Variants in CTSS observed in about 807,000 individuals in gnomAD.
The protein encoded by CTSS is cathepsin S.
A neutral mutation model predicts 39.9 loss-of-function variants in CTSS; 15 were observed. The ratio of observed to expected loss-of-function variants is 0.38; its 90% confidence interval spans 0.25 to 0.58. The LOEUF is 0.58. Ranked by LOEUF, CTSS falls within the 20% of genes least tolerant of loss-of-function variation. CTSS has a pLI of 0.70. For missense variants in CTSS, 250 were observed against 398.2 expected (o/e 0.63, Z 3.17); for synonymous variants, 126 against 138.2 (o/e 0.91, Z 0.62).
chr1:150,741,865 ACT>A (rs1312694288), intron 7 of CTSS, among the ~76,000 whole-genome samples: 3 of 141,276 alleles, frequency 2.1e-5, no homozygotes, highest in Non-Finnish European at 4.7e-5. Flanking sequence ...ACAGAGCGAG[ACT>A]CTGTCTCAAA....
chr1:150,750,089 A>G lies in CTSS; in HGVS notation c.710T>C (p.Val237Ala). The change falls in exon 6 of 8, where the codon GTC becomes GCC. Residue 237 changes from valine (V) to alanine (A), a missense_variant. Coordinates refer to ENST00000368985, the MANE Select transcript of CTSS (RefSeq NM_004079.5). ...YTELPYGRED[V>A]LKEAVANKGP... is the part of the protein sequence containing the mutation. ...TTTATTGGCCACAGCTTCTTTCAGG[A>G]CATCTTCTCTGCCATAAGGAAGTTC... is the stretch of plus-strand genomic sequence containing the variant. 1 of 1,614,060 alleles carries G rather than the reference A, an allele frequency of 6.2e-7. No individual in the cohort carries two copies.
rs142274254 is a variant in CTSS at position 150,739,537 on chromosome 1, T to G, written c.897-6392A>C. On this transcript the variant is annotated intron_variant, in intron 7 of 7. Coordinates refer to ENST00000368985, the MANE Select transcript of CTSS (RefSeq NM_004079.5). ...ACCAGCCTGGGCAACAAGCTAAAAA[T>G]ACAGAAATTACCCGTGCCTGGTGGC... Among the ~76,000 whole-genome samples, 901 of 152,082 alleles carry G rather than the reference T, an allele frequency of 5.9e-3. 7 individuals are homozygous for G. The highest frequency in any genetic ancestry group is 0.01 in the Middle Eastern group (3 of 294).
intron 2 of CTSS, among the ~76,000 whole-genome samples, chr1:150,761,935 C>T (rs1336993860): frequency 6.6e-6 from 1 of 152,114 alleles, no homozygotes; most frequent in Non-Finnish European, 1.5e-5. Context: ...TCCTCAAATT[C>T]ATGCGGAACT....
In CTSS at chr1:150,750,069, T is replaced by G. The variant is rs772782542; in HGVS notation, c.730A>C (p.Asn244His). The change falls in exon 6 of 8, where the codon AAT becomes CAT. Residue 244 changes from asparagine to histidine, a missense_variant. By Grantham distance (68) the Asn-to-His change is moderately conservative. Coordinates refer to ENST00000368985, the MANE Select transcript of CTSS (RefSeq NM_004079.5). Reference protein sequence around the residue: ...REDVLKEAVANKGPVSVGVDA... With the variant: ...REDVLKEAVAHKGPVSVGVDA... ...ACACCAACAGACACTGGGCCTTTATTGGCCACAGCTTCTTTCAGGACATCT... is the reference window on the plus strand; with the variant it reads ...ACACCAACAGACACTGGGCCTTTATGGGCCACAGCTTCTTTCAGGACATCT... The G allele has an allele frequency of 1.1e-5, 18 of 1,614,108 alleles. No homozygotes were observed. Among genetic ancestry groups the G allele is most frequent in the Non-Finnish European group, 1.4e-5 (17 of 1,179,952 alleles).
In CTSS at chr1:150,749,988, GTTTAT is replaced by G. The variant is rs747488266; in HGVS notation, c.793+13_793+17del. On this transcript the variant is annotated intron_variant, in intron 6 of 7. Coordinates refer to ENST00000368985, the MANE Select transcript of CTSS (RefSeq NM_004079.5). ...TTTCTTTCTTTAAATTCTAATTATT[GTTTAT>G]TTTATTTTTTACCACTTCTGTAGAG... 2 of 1,574,962 alleles carry G rather than the reference GTTTAT, an allele frequency of 1.3e-6. No homozygotes were observed. Among genetic ancestry groups the G allele is most frequent in the Non-Finnish European group, 1.7e-6 (2 of 1,155,470 alleles).
chr1:150,743,610 T>TA (rs1198341444), intron 7 of CTSS, among the ~76,000 whole-genome samples: 70 of 97,428 alleles, frequency 7.2e-4, no homozygotes, highest in Middle Eastern at 5.0e-3. Context: ...ACATAATATA[T>TA]TATATATGTA....
At position 150,731,628 on chromosome 1, in the gene CTSS, A is replaced by AT. The variant is rs1652523933; in HGVS notation, c.*1417_*1418insA. On this transcript the variant is annotated 3_prime_UTR_variant, in exon 8 of 8. Transcript: ENST00000368985. The stretch of plus-strand genomic sequence containing the variant: ...GTTCATGTCATAGACATGAACTTAA[A>AT]AAATTTAAAGTTCCTGCTGCCTGCT... 6.6e-6 allele frequency: 1 copy of AT among 152,224 alleles called. No individual in the cohort carries two copies. Among genetic ancestry groups the AT allele is most frequent in the Non-Finnish European group, 1.5e-5 (1 of 68,044 alleles). 9.4% of individuals were successfully genotyped at this position (152,224 alleles called of 1,614,324 possible).
chr1:150,765,528 G>C (rs587720950), intron 1 of CTSS, among the ~76,000 whole-genome samples, 170 bp downstream of exon 1: 7 of 152,258 alleles, frequency 4.6e-5, no homozygotes, highest in African/African-American at 1.4e-4. Flanking sequence ...TAGATGCTTA[G>C]ATGCTCAAGC....
chr1:150,735,434 T>C (rs1652613846), intron 7 of CTSS, among the ~76,000 whole-genome samples: 1 of 152,186 alleles, frequency 6.6e-6, no homozygotes, highest in African/African-American at 2.4e-5. Context: ...CTCTGGTCAG[T>C]CCTTCTCAAA....
At chr1:150,739,662 TCAACAACAACAACAA>T (rs10556231) in intron 7 of CTSS, among the ~76,000 whole-genome samples, 1 of 149,386 alleles carries the variant, frequency 6.7e-6, no homozygotes, top group African/African-American at 2.5e-5. Flanking sequence ...GAGACCTGTC[TCAACAACAACAACAA>T]CAACAACAAC....
Position 150,752,012 on chromosome 1 carries a change from A to C in CTSS, c.400-4T>G, listed in dbSNP as rs913574151. ...CCCAGCAAGCACCACAAGAACCCTAAAACAGATACAAGGTCACAAACGCAA... is the reference window on the plus strand; with the variant it reads ...CCCAGCAAGCACCACAAGAACCCTACAACAGATACAAGGTCACAAACGCAA... On this transcript the variant is annotated splice_region_variant and splice_polypyrimidine_tract_variant and intron_variant, in intron 4 of 7. Transcript: ENST00000368985. 1.2e-6 allele frequency: 2 copies of C among 1,613,546 alleles called. No individual in the cohort carries two copies. Among genetic ancestry groups the C allele is most frequent in the African/African-American group, 2.7e-5 (2 of 74,870 alleles).
Position 150,764,621 on chromosome 1 carries a change from G to A in CTSS, c.126+17C>T. The A allele has an allele frequency of 6.2e-7, 1 of 1,613,852 alleles. No individual in the cohort carries two copies. Among genetic ancestry groups the A allele is most frequent in the Non-Finnish European group, 8.5e-7 (1 of 1,179,834 alleles). On this transcript the variant is annotated intron_variant, in intron 2 of 7. Transcript: ENST00000368985. ...ACTCCTTTAAAAGCATATCGCTCGA[G>A]TGGCAATCCAATCTACCTTTTCCTT...
intron 7 of CTSS, among the ~76,000 whole-genome samples, chr1:150,741,072 G>A (rs1652744216): frequency 6.6e-6 from 1 of 152,056 alleles, no homozygotes; most frequent in African/African-American, 2.4e-5. Context: ...TGTGATCATG[G>A]CTCACTGTAG....
intron 3 of CTSS, among the ~76,000 whole-genome samples, chr1:150,756,596 A>T (rs1031447173): frequency 2.6e-5 from 4 of 152,058 alleles, no homozygotes; most frequent in Admixed American, 2.6e-4. Context: ...TTTCAGCTCC[A>T]TCATAATCTT....
chr1:150,733,126 C>T lies in CTSS; in HGVS notation c.916G>A (p.Glu306Lys), dbSNP rs1158723295. 3 of 1,613,086 alleles carry T rather than the reference C, an allele frequency of 1.9e-6. No individual in the cohort carries two copies. Among genetic ancestry groups the T allele is most frequent in the Non-Finnish European group, 2.5e-6 (3 of 1,179,512 alleles). Reference protein sequence around the residue: ...VKNSWGHNFGEEGYIRMARNK... With the variant: ...VKNSWGHNFGKEGYIRMARNK... The stretch of plus-strand genomic sequence containing the variant: ...CTTGCCATCCGAATATATCCTTCTT[C>T]ACCAAAGTTGTGGCCCCAGCTTTAG... Residue 306 changes from glutamate (E) to lysine (K), a missense_variant, in exon 8 of 8, where the codon GAA (glutamate) becomes AAA (lysine). Glu to Lys is a moderately conservative substitution (Grantham distance 56). Transcript: ENST00000368985.
Position 150,737,810 on chromosome 1 carries a change from A to G in CTSS, c.897-4665T>C, listed in dbSNP as rs74828331. On this transcript the variant is annotated intron_variant, in intron 7 of 7. Coordinates refer to ENST00000368985, the MANE Select transcript of CTSS (RefSeq NM_004079.5). ...GCAGGATAAGGGATACAGAGTGTTA[A>G]GAGACAGGGCTCAATTTTAGGTGGA... Among the ~76,000 whole-genome samples, 1,223 of 152,332 alleles carry G rather than the reference A, an allele frequency of 8.0e-3. 9 individuals are homozygous for G. Among genetic ancestry groups the G allele is most frequent in the Non-Finnish European group, 0.011 (732 of 68,028 alleles).
At chr1:150,747,695 T>G in intron 7 of CTSS, 82 bp downstream of exon 7, 1 of 883,774 alleles carries the variant, frequency 1.1e-6, no homozygotes, top group Non-Finnish European at 1.9e-6. Context: ...ATCATAATGA[T>G]CATCATCAAA....
rs192728076 is a variant in CTSS at position 150,747,382 on chromosome 1, G to A, written c.896+395C>T. On this transcript the variant is annotated intron_variant, in intron 7 of 7. Transcript: ENST00000368985. Reference sequence around the variant, plus strand: ...TAGAGCTAGAGATTCAAAAGCTATTGGCATATAAAGGTTATAGCTAGAGTC... The same window carrying A: ...TAGAGCTAGAGATTCAAAAGCTATTAGCATATAAAGGTTATAGCTAGAGTC... Among the ~76,000 whole-genome samples, 169 of 152,184 alleles carry A rather than the reference G, an allele frequency of 1.1e-3. 2 individuals are homozygous for A. In the South Asian group the frequency reaches 0.023, roughly 21 times the overall value.
intron 7 of CTSS, among the ~76,000 whole-genome samples, chr1:150,737,590 T>A (rs778445919): frequency 3.3e-5 from 5 of 152,178 alleles, no homozygotes; most frequent in Non-Finnish European, 5.9e-5. Flanking sequence ...AACTTATTAT[T>A]CCTTCTAAAA....
Sources: allele counts gnomAD v4.1 joint callset (sites outside exome capture counted in the v4.1 genomes callset), GRCh38; gene constraint gnomAD v4.1.1; transcripts MANE v1.5; gene names NCBI Gene and HGNC (gene_info 2026-07-23, HGNC 2026-07-21).